AUTS2: variants seen among roughly 807,000 people sequenced by gnomAD.
The protein encoded by AUTS2 is autism susceptibility gene 2 protein.
A neutral mutation model predicts 112.4 loss-of-function variants in AUTS2; 17 were observed. The ratio of observed to expected loss-of-function variants is 0.15; its 90% confidence interval spans 0.10 to 0.23. The LOEUF (loss-of-function observed/expected upper bound fraction) is 0.23, where lower values mean the gene tolerates loss of function less well. AUTS2 is among the 10% of genes least tolerant of loss of function. The pLI, the probability that AUTS2 is intolerant of heterozygous loss-of-function variation, is 1.00. For missense variants in AUTS2, 1,510 were observed against 1,701.6 expected, an observed-to-expected ratio of 0.89 and a Z score of 1.98; for synonymous variants, 751 against 702.7, an observed-to-expected ratio of 1.07 and a Z score of -1.09.
At chr7:69,750,386 A>G (rs912707999) in intron 1 of AUTS2, among the ~76,000 whole-genome samples, 1 of 148,586 alleles carries the variant, frequency 6.7e-6, no homozygotes, top group Non-Finnish European at 1.5e-5. Context: ...TATTAGTATT[A>G]TACTATTATA....
intron 5 of AUTS2, among the ~76,000 whole-genome samples, chr7:70,587,666 C>T (rs1802747123): frequency 6.6e-6 from 1 of 152,210 alleles, no homozygotes; most frequent in Non-Finnish European, 1.5e-5. Context: ...TTCTGTCTTC[C>T]ATCCTCACAG....
intron 1 of AUTS2, among the ~76,000 whole-genome samples, chr7:69,883,058 C>T (rs1356476217): frequency 1.3e-5 from 2 of 152,216 alleles, no homozygotes; most frequent in Non-Finnish European, 2.9e-5. Flanking sequence ...AATGGAGGCT[C>T]ATAAGGGCCA....
intron 2 of AUTS2, among the ~76,000 whole-genome samples, chr7:69,940,395 G>A (rs1422502973): frequency 6.6e-6 from 1 of 152,168 alleles, no homozygotes; most frequent in Non-Finnish European, 1.5e-5. Flanking sequence ...CTCTAGGTGA[G>A]GGCTCATGGA....
intron 1 of AUTS2, among the ~76,000 whole-genome samples, chr7:69,894,345 GT>G (rs34811635): frequency 7.0e-6 from 1 of 142,502 alleles, no homozygotes; most frequent in African/African-American, 2.6e-5. Context: ...AAGGGAGGCA[GT>G]TTTTTTTATC....
chr7:70,787,242 C>T lies in AUTS2; in HGVS notation c.2342C>T (p.Pro781Leu). ...PNSMFGHKDG[P>L]SVQNFSNPHE... ...TCAATGTTCGGCCACAAGGATGGCC[C>T]CAGTGTGCAGAACTTTAGCAACCCT... Residue 781 changes from proline (P) to leucine (L), a missense_variant, in exon 18 of 19, where the codon CCC becomes CTC. Physicochemically the swap from Pro to Leu is moderately conservative, Grantham distance 98. Around this residue, in one of 3 missense-constraint regions of AUTS2, gnomAD observed 788 missense variants for 797.6 expected, o/e 0.99. Coordinates refer to ENST00000342771, the MANE Select transcript of AUTS2 (RefSeq NM_015570.4). The T allele has an allele frequency of 6.2e-7, 1 of 1,614,222 alleles. No individual in the cohort carries two copies. The highest frequency in any genetic ancestry group is 1.3e-5 in the African/African-American group (1 of 75,058).
intron 2 of AUTS2, among the ~76,000 whole-genome samples, chr7:70,080,316 C>T (rs1470046866): frequency 3.9e-5 from 6 of 152,116 alleles, no homozygotes; most frequent in Admixed American, 3.3e-4. Flanking sequence ...TTCATGTCCT[C>T]GAGGAAGGAA....
intron 1 of AUTS2, among the ~76,000 whole-genome samples, chr7:69,611,976 A>G (rs914112722): frequency 1.4e-5 from 2 of 146,304 alleles, no homozygotes; most frequent in African/African-American, 2.5e-5. Context: ...TATTTTGGCA[A>G]TGTGGCTTTC....
At chr7:70,267,985 G>A (rs1002700412) in intron 4 of AUTS2, among the ~76,000 whole-genome samples, 1 of 152,274 alleles carries the variant, frequency 6.6e-6, no homozygotes, top group African/African-American at 2.4e-5. Context: ...TTATGGAACA[G>A]TGCAGTTATC....
rs140153664 is a variant in AUTS2, at chr7:70,639,557, C to T, written c.691-59012C>T. 2.8e-4 allele frequency among the ~76,000 whole-genome samples: 38 copies of T among 136,158 alleles called. 1 individual carries two copies. The East Asian group carries it at 7.7e-3, about 28-fold the overall frequency. The allele number at this position is 136,158 out of a possible 152,430, so 89.3% of individuals were successfully genotyped here. A position where few individuals can be genotyped will look rare whatever the true frequency, so the allele number is the denominator to read the frequency against. On this transcript the variant is annotated intron_variant, in intron 5 of 18. Transcript: ENST00000342771. ...TGCTTAACCTGGGAGGTTGAGGCTG[C>T]AGTGAGCTATGATTACACCACCGCA...
At chr7:70,215,822 G>A (rs1236821556) in intron 4 of AUTS2, among the ~76,000 whole-genome samples, 3 of 152,210 alleles carry the variant, frequency 2.0e-5, no homozygotes, top group East Asian at 3.9e-4. Flanking sequence ...ATCAAGGTCA[G>A]AGGTCATAAG....
rs1404375763 is a variant in AUTS2 at position 70,694,910 on chromosome 7, C to T, written c.691-3659C>T. 6.6e-6 allele frequency: 1 copy of T among 152,250 alleles called. No homozygotes were observed. The highest frequency in any genetic ancestry group is 1.5e-5 in the Non-Finnish European group (1 of 68,160). The allele number at this position is 152,250 out of a possible 1,614,324, so 9.4% of individuals were successfully genotyped here. ...GAGACTCTTGTGGACAGAGCCGGGT[C>T]GAGAGTTGGGCGTTTTCTCTTCGTG... On this transcript the variant is annotated intron_variant, in intron 5 of 18. Coordinates refer to ENST00000342771, the MANE Select transcript of AUTS2 (RefSeq NM_015570.4). The surrounding 1 kb of genome is among the most constrained non-coding windows in gnomAD (Gnocchi z 4.1).
chr7:69,704,893 G>C (rs998144932), intron 1 of AUTS2, among the ~76,000 whole-genome samples: 1 of 152,012 alleles, frequency 6.6e-6, no homozygotes, highest in Admixed American at 6.6e-5. Flanking sequence ...TTGAGGCAGG[G>C]TCTTGTTCTG....
At chr7:70,561,121 T>G (rs1170158363) in intron 5 of AUTS2, among the ~76,000 whole-genome samples, 1 of 152,172 alleles carries the variant, frequency 6.6e-6, no homozygotes, top group Non-Finnish European at 1.5e-5. Context: ...CATCTAATAA[T>G]TTTCCTTTAG....
intron 4 of AUTS2, among the ~76,000 whole-genome samples, chr7:70,412,776 G>C (rs1794829809): frequency 6.6e-6 from 1 of 151,986 alleles, no homozygotes; most frequent in Non-Finnish European, 1.5e-5. Context: ...GTGGATCATG[G>C]GGTCAGGAGT....
At chr7:70,461,103 A>T (rs10230101) in intron 5 of AUTS2, among the ~76,000 whole-genome samples, 8,205 of 152,218 alleles carry the variant, frequency 0.054, 312 homozygotes, top group Middle Eastern at 0.11. Context: ...TTCACGGAGG[A>T]ACAGGATGAT....
chr7:69,796,141 T>A (rs969935313), intron 1 of AUTS2, among the ~76,000 whole-genome samples: 3 of 152,230 alleles, frequency 2.0e-5, no homozygotes, highest in African/African-American at 7.2e-5. Flanking sequence ...TTTCAGTTCC[T>A]TTTCGCATCT....
intron 1 of AUTS2, among the ~76,000 whole-genome samples, chr7:69,897,122 T>C (rs541152581): frequency 1.3e-5 from 2 of 152,276 alleles, no homozygotes; most frequent in East Asian, 3.9e-4. Context: ...AACATAATTG[T>C]TGAATGAGTG....
intron 4 of AUTS2, among the ~76,000 whole-genome samples, chr7:70,424,526 T>C (rs2130733481): frequency 6.6e-6 from 1 of 152,292 alleles, no homozygotes; most frequent in Non-Finnish European, 1.5e-5. Context: ...AGGGTGGTAG[T>C]ATAATACTTT....
chr7:70,434,990 G>T (rs555007909), intron 4 of AUTS2, among the ~76,000 whole-genome samples: 4 of 152,184 alleles, frequency 2.6e-5, no homozygotes, highest in Admixed American at 6.5e-5. Flanking sequence ...AAAGACTGGG[G>T]TTAATTATTA....
Sources: gnomAD v4.1 joint callset for allele counts (sites outside exome capture counted in the v4.1 genomes callset) on GRCh38, gnomAD v4.1.1 for gene constraint, gnomAD v4.1.1 regional missense constraint, Gnocchi (gnomAD v3.1) non-coding constraint, MANE v1.5 for transcripts, NCBI Gene and HGNC (gene_info 2026-07-23, HGNC 2026-07-21) for gene names.